Variants in ZSWIM5 observed in about 807,000 individuals in gnomAD.
The protein encoded by ZSWIM5 is zinc finger SWIM domain-containing protein 5.
In ZSWIM5, 55 loss-of-function variants were observed where a neutral mutation model predicts 119.6. The observed-to-expected ratio is 0.46, with a 90% CI of 0.37 to 0.58. The LOEUF (loss-of-function observed/expected upper bound fraction) is 0.58, where lower values mean the gene tolerates loss of function less well. Among genes scored for constraint, ZSWIM5 ranks in the 20% least tolerant of loss-of-function variants. The pLI, the probability that ZSWIM5 is intolerant of heterozygous loss-of-function variation, is 0.00. For synonymous variants in ZSWIM5, 537 were observed against 606.9 expected, an observed-to-expected ratio of 0.88 and a Z score of 1.69; for missense variants, 1,193 against 1,512.8, an observed-to-expected ratio of 0.79 and a Z score of 3.51.
chr1:45,052,819 T>G (rs1187232439), intron 4 of ZSWIM5, among the ~76,000 whole-genome samples: 1 of 151,664 alleles, frequency 6.6e-6, no homozygotes, highest in East Asian at 1.9e-4. Context: ...AAATGTACCA[T>G]GAAAAAGAAA....
chr1:45,099,769 G>A lies in ZSWIM5; in HGVS notation c.596-11532C>T, dbSNP rs183798664. The stretch of plus-strand genomic sequence containing the variant: ...ACACGCAAATCAATAAACATAATCC[G>A]TCACACAAACAGAACCAACAACAAA... On this transcript the variant is annotated intron_variant, in intron 1 of 13. Transcript: ENST00000359600. Among the ~76,000 whole-genome samples the A allele has an allele frequency of 5.3e-5, 8 of 152,044 alleles. No homozygotes were observed. The East Asian group carries it at 1.2e-3, about 22-fold the overall frequency.
intron 1 of ZSWIM5, among the ~76,000 whole-genome samples, chr1:45,147,479 T>C (rs1384365167): frequency 3.3e-5 from 5 of 149,784 alleles, no homozygotes; most frequent in South Asian, 4.2e-4. Context: ...AGAATTACCA[T>C]ATAGAAAACG....
At chr1:45,111,641 G>A (rs538027416) in intron 1 of ZSWIM5, among the ~76,000 whole-genome samples, 5 of 152,372 alleles carry the variant, frequency 3.3e-5, no homozygotes, top group Admixed American at 2.6e-4. Context: ...TCTGGAGGTT[G>A]CCTGTATTCC....
chr1:45,200,349 C>A (rs1384104449), intron 1 of ZSWIM5, among the ~76,000 whole-genome samples: 2 of 152,016 alleles, frequency 1.3e-5, no homozygotes, highest in Non-Finnish European at 2.9e-5. Flanking sequence ...CTAAAAGTGT[C>A]CAAGAAGCAT....
intron 1 of ZSWIM5, among the ~76,000 whole-genome samples, chr1:45,143,646 T>C (rs531098009): frequency 4.6e-5 from 7 of 152,130 alleles, no homozygotes; most frequent in African/African-American, 9.7e-5. Flanking sequence ...TATTGAACAC[T>C]GTACTGAAAA....
At chr1:45,176,982 T>G (rs1385078530) in intron 1 of ZSWIM5, among the ~76,000 whole-genome samples, 1 of 152,094 alleles carries the variant, frequency 6.6e-6, no homozygotes, top group Non-Finnish European at 1.5e-5. Context: ...TACTATCCCT[T>G]CTTCCCATCT....
chr1:45,158,797 T>C (rs914015989), intron 1 of ZSWIM5, among the ~76,000 whole-genome samples: 3 of 152,156 alleles, frequency 2.0e-5, no homozygotes, highest in African/African-American at 7.2e-5. Flanking sequence ...ATTTTCACAA[T>C]AGTACAAATC....
At chr1:45,111,481 G>C (rs1483407317) in intron 1 of ZSWIM5, among the ~76,000 whole-genome samples, 1 of 152,224 alleles carries the variant, frequency 6.6e-6, no homozygotes, top group African/African-American at 2.4e-5. Context: ...CCACAAATTT[G>C]GTGGATTAAA....
At chr1:45,070,810 A>G (rs1029316948) in intron 2 of ZSWIM5, among the ~76,000 whole-genome samples, 1 of 152,022 alleles carries the variant, frequency 6.6e-6, no homozygotes, top group Admixed American at 6.5e-5. Context: ...CTCCTCTTTC[A>G]TCACCTGTTT....
chr1:45,159,713 C>T (rs147092016), intron 1 of ZSWIM5, among the ~76,000 whole-genome samples: 2,323 of 152,082 alleles, frequency 0.015, 25 homozygotes, highest in Non-Finnish European at 0.024. Flanking sequence ...CTCAGCCTCC[C>T]GAGTAGCTGG....
chr1:45,118,038 G>A (rs1462691702), intron 1 of ZSWIM5, among the ~76,000 whole-genome samples: 1 of 151,576 alleles, frequency 6.6e-6, no homozygotes, highest in African/African-American at 2.4e-5. Flanking sequence ...GGCAGGCAGA[G>A]CTTGCAGGGA....
chr1:45,070,319 C>T (rs1282761735), intron 2 of ZSWIM5: 2 of 1,424,120 alleles, frequency 1.4e-6, no homozygotes, highest in Non-Finnish European at 2.0e-6. Flanking sequence ...AAGACGCCAC[C>T]ACCAGAGCAT....
chr1:45,040,559 AT>A, intron 6 of ZSWIM5, 21 bp from the exon 7 acceptor site: 1 of 1,561,754 alleles, frequency 6.4e-7, no homozygotes, highest in African/African-American at 1.4e-5. Context: ...AGAAGAAGAT[AT>A]TTTGGTCTAG....
chr1:45,186,308 G>A (rs1464878363), intron 1 of ZSWIM5, among the ~76,000 whole-genome samples: 5 of 149,584 alleles, frequency 3.3e-5, no homozygotes, highest in Non-Finnish European at 5.9e-5. Flanking sequence ...GCTAAATGAC[G>A]AGTTAATGGG....
At chr1:45,035,551 C>T (rs1644977422) in intron 10 of ZSWIM5, 137 bp downstream of exon 10, 3 of 1,113,382 alleles carry the variant, frequency 2.7e-6, no homozygotes, top group Admixed American at 2.8e-5. Flanking sequence ...ATATCTGAGC[C>T]ATTTTAAGGT....
rs529627603 is a variant in ZSWIM5, at chr1:45,180,003, G to A, written c.595+25753C>T. Among the ~76,000 whole-genome samples, 6 of 152,296 alleles carry A rather than the reference G, an allele frequency of 3.9e-5. No homozygotes were observed. The South Asian group carries it at 6.2e-4, about 16-fold the overall frequency. ...CTGGTCTACAGCTCCCAGTGTGAGC[G>A]ACACAGAAGACGGGTGATTTCTGCA... On this transcript the variant is annotated intron_variant, in intron 1 of 13. Coordinates refer to ENST00000359600, the MANE Select transcript of ZSWIM5 (RefSeq NM_020883.2).
chr1:45,074,157 G>C (rs1250783203), intron 2 of ZSWIM5, among the ~76,000 whole-genome samples: 1 of 151,776 alleles, frequency 6.6e-6, no homozygotes, highest in Non-Finnish European at 1.5e-5. Context: ...AGGATTTTTT[G>C]CATGAATATT....
chr1:45,132,804 T>C (rs546628140), intron 1 of ZSWIM5, among the ~76,000 whole-genome samples: 351 of 152,200 alleles, frequency 2.3e-3, no homozygotes, highest in Non-Finnish European at 4.4e-3. Flanking sequence ...GATGTTCCCC[T>C]TCCTGTGTCC....
intron 2 of ZSWIM5, among the ~76,000 whole-genome samples, chr1:45,081,521 C>T (rs1042894532): frequency 1.3e-5 from 2 of 152,356 alleles, no homozygotes; most frequent in East Asian, 1.9e-4. Context: ...CTGTGTTGGC[C>T]GGGCTGGTCT....
Sources: gnomAD v4.1 joint callset for allele counts (sites outside exome capture counted in the v4.1 genomes callset) on GRCh38, gnomAD v4.1.1 for gene constraint, MANE v1.5 for transcripts, NCBI Gene and HGNC (gene_info 2026-07-23, HGNC 2026-07-21) for gene names.